The following RNF144A variants were observed in gnomAD, a reference collection of about 807,000 sequenced individuals.
RNF144A encodes ring finger protein 144A.
A neutral mutation model predicts 38.7 loss-of-function variants in RNF144A; 11 were observed. That is an observed-to-expected ratio of 0.28 (90% CI 0.18 to 0.47). RNF144A has a LOEUF of 0.47. Among genes scored for constraint, RNF144A ranks in the 20% least tolerant of loss-of-function variants. RNF144A has a pLI of 0.99. For missense variants in RNF144A, 316 were observed against 377.2 expected (o/e 0.84, Z 1.34); for synonymous variants, 149 against 143.9 (o/e 1.04, Z -0.25).
At position 7,042,739 on chromosome 2, in the gene RNF144A, A is replaced by T. The variant is rs1673123405; in HGVS notation, c.*2979A>T. On this transcript the variant is annotated 3_prime_UTR_variant, in exon 9 of 9. Transcript: ENST00000320892. ...GTCACCATAGATGTCCACGTAGCAG[A>T]GACTGACTTAGGATCTGAGATAAAG... 1.0e-6 allele frequency: 1 copy of T among 985,444 alleles called. No individual in the cohort carries two copies. The highest frequency in any genetic ancestry group is 6.1e-5 in the Admixed American group (1 of 16,278). 61.0% of individuals were successfully genotyped at this position (985,444 alleles called of 1,614,324 possible). A position where few individuals can be genotyped will look rare whatever the true frequency, so the allele number is the denominator to read the frequency against.
At chr2:6,995,907 C>A (rs1206692727) in intron 2 of RNF144A, among the ~76,000 whole-genome samples, 3 of 152,186 alleles carry the variant, frequency 2.0e-5, no homozygotes, top group African/African-American at 7.2e-5. Flanking sequence ...TGAGCACTTG[C>A]TGTGTGCGGC....
intron 6 of RNF144A, among the ~76,000 whole-genome samples, chr2:7,061,916 G>T (rs1673971683): frequency 1.3e-5 from 2 of 152,168 alleles, no homozygotes; most frequent in African/African-American, 4.8e-5. Flanking sequence ...CTGATACACA[G>T]AAAAGAGGTA....
chr2:6,999,777 A>C (rs369808), intron 3 of RNF144A, among the ~76,000 whole-genome samples: 37,397 of 152,226 alleles, frequency 0.25, 5,741 homozygotes, highest in Non-Finnish European at 0.35. Context: ...GTTTGGGTTT[A>C]GAACTGCAGG....
downstream of RNF144A, among the ~76,000 whole-genome samples, chr2:7,068,519 T>C (rs76834182): frequency 9.2e-5 from 14 of 152,348 alleles, no homozygotes; most frequent in Admixed American, 2.6e-4. Flanking sequence ...AGCAGTGATT[T>C]TGAGCATTGA....
intron 6 of RNF144A, among the ~76,000 whole-genome samples, chr2:7,052,699 T>C (rs1006707702): frequency 3.9e-5 from 6 of 152,166 alleles, no homozygotes; most frequent in African/African-American, 1.4e-4. Context: ...GTGACCCCCA[T>C]GCTGAGAGCA....
downstream of RNF144A, among the ~76,000 whole-genome samples, chr2:7,049,069 G>A (rs1025759475): frequency 1.3e-5 from 2 of 152,214 alleles, no homozygotes; most frequent in African/African-American, 2.4e-5. Context: ...GGATCACAGA[G>A]GAGGAATGAA....
intron 1 of RNF144A, among the ~76,000 whole-genome samples, chr2:6,938,461 T>A (rs1422593651): frequency 6.6e-6 from 1 of 152,096 alleles, no homozygotes; most frequent in Non-Finnish European, 1.5e-5. Flanking sequence ...TTGGCCAGGC[T>A]GGTCTCAAAC....
Position 7,039,775 on chromosome 2 carries a change from T to C in RNF144A, c.*15T>C, listed in dbSNP as rs777268135. ...TACCCACCTAGAGGAAGCGCGATGC[T>C]GGAACACATCCCTGCCTCCGGGAAG... is the stretch of plus-strand genomic sequence containing the variant. On this transcript the variant is annotated 3_prime_UTR_variant, in exon 9 of 9. Transcript: ENST00000320892. 2.5e-5 allele frequency: 41 copies of C among 1,611,714 alleles called. No individual in the cohort carries two copies. In the Admixed American group the frequency reaches 6.7e-4, roughly 26 times the overall value.
At chr2:7,039,254 T>G (rs1250560319) in intron 8 of RNF144A, among the ~76,000 whole-genome samples, 1 of 149,042 alleles carries the variant, frequency 6.7e-6, no homozygotes, top group Non-Finnish European at 1.5e-5. Flanking sequence ...GAGAGATGGA[T>G]GATGGTTAAT....
intron 1 of RNF144A, among the ~76,000 whole-genome samples, chr2:6,920,695 G>A (rs541390160): frequency 3.1e-4 from 47 of 152,344 alleles, no homozygotes; most frequent in African/African-American, 1.1e-3. Context: ...GAATGAAGTT[G>A]GAGGTGCCTT....
chr2:6,946,785 A>G (rs978441735), intron 2 of RNF144A, among the ~76,000 whole-genome samples: 1 of 152,178 alleles, frequency 6.6e-6, no homozygotes, highest in Non-Finnish European at 1.5e-5. Flanking sequence ...AGTGCCTCTA[A>G]GTGAAAAAGT....
chr2:7,073,424 A>G, the RNF144A span, among the ~76,000 whole-genome samples: 1 of 152,160 alleles, frequency 6.6e-6, no homozygotes, highest in Non-Finnish European at 1.5e-5. Context: ...CATGTGATTC[A>G]TATTCATATT....
chr2:7,037,948 T>C (rs952520083), intron 8 of RNF144A, among the ~76,000 whole-genome samples: 1 of 152,222 alleles, frequency 6.6e-6, no homozygotes, highest in African/African-American at 2.4e-5. Flanking sequence ...CTCGCTCTCA[T>C]TTCTGCAGGC....
At position 7,042,595 on chromosome 2, in the gene RNF144A, C is replaced by T. The variant is rs561653800; in HGVS notation, c.*2835C>T. ...TTCTCTGAGGCCCTTGAGTAACTGA[C>T]CACATTTGGAGGTTTTGCTGGAAAT... is the stretch of plus-strand genomic sequence containing the variant. On this transcript the variant is annotated 3_prime_UTR_variant, in exon 9 of 9. Coordinates refer to ENST00000320892, the MANE Select transcript of RNF144A (RefSeq NM_014746.6). 11 of 985,560 alleles carry T rather than the reference C, an allele frequency of 1.1e-5. No individual in the cohort carries two copies. The highest frequency in any genetic ancestry group is 1.3e-5 in the Non-Finnish European group (11 of 830,056). 61.1% of individuals were successfully genotyped at this position (985,560 alleles called of 1,614,324 possible). A position where few individuals can be genotyped will look rare whatever the true frequency, so the allele number is the denominator to read the frequency against.
At chr2:7,010,395 G>C (rs564250755) in intron 3 of RNF144A, among the ~76,000 whole-genome samples, 79 of 152,288 alleles carry the variant, frequency 5.2e-4, no homozygotes, top group African/African-American at 1.8e-3. Context: ...TGCGTGTAAT[G>C]TTTGTGTTAA....
chr2:7,000,377 A>T (rs1290094706), intron 3 of RNF144A, among the ~76,000 whole-genome samples: 1 of 152,240 alleles, frequency 6.6e-6, no homozygotes, highest in African/African-American at 2.4e-5. Flanking sequence ...TTTTGAAATC[A>T]GGCTGCCGTT....
rs765161646 is a variant in RNF144A at position 7,006,520 on chromosome 2, C to T, written c.136-7934C>T. Among the ~76,000 whole-genome samples the T allele has an allele frequency of 2.0e-5, 3 of 152,160 alleles. No individual in the cohort carries two copies. In the East Asian group the frequency reaches 5.8e-4, roughly 30 times the overall value. The stretch of plus-strand genomic sequence containing the variant: ...GTAAGGGCCCTGTGACTCCTGCCTC[C>T]GATGCCCGTACTGGCCTCAGAGGAG... On this transcript the variant is annotated intron_variant, in intron 3 of 8. Transcript: ENST00000320892.
At chr2:7,022,526 G>A (rs555347455) in intron 6 of RNF144A, among the ~76,000 whole-genome samples, 2 of 152,288 alleles carry the variant, frequency 1.3e-5, no homozygotes, top group South Asian at 2.1e-4. Flanking sequence ...ATATTTTAAC[G>A]GTTTTCATTT....
chr2:6,942,756 G>T (rs1396685381), intron 2 of RNF144A, among the ~76,000 whole-genome samples: 1 of 152,182 alleles, frequency 6.6e-6, no homozygotes, highest in African/African-American at 2.4e-5. Flanking sequence ...GGCCAAGATG[G>T]GTGGATCACC....
Sources: allele counts gnomAD v4.1 joint callset (sites outside exome capture counted in the v4.1 genomes callset), GRCh38; gene constraint gnomAD v4.1.1; transcripts MANE v1.5; gene names NCBI Gene and HGNC (gene_info 2026-07-23, HGNC 2026-07-21).